The following SBNO2 variants were observed in gnomAD, a reference collection of about 807,000 sequenced individuals.
SBNO2 encodes the protein strawberry notch homolog 2, also known as protein strawberry notch homolog 2.
In SBNO2, 89 loss-of-function variants were observed where a neutral mutation model predicts 146.3. The observed-to-expected ratio is 0.61, with a 90% CI of 0.51 to 0.73. The LOEUF (loss-of-function observed/expected upper bound fraction) is 0.73. Ranked by LOEUF, SBNO2 falls within the 30% of genes least tolerant of loss-of-function variation. The pLI is 0.00. For missense variants in SBNO2, 2,092 were observed against 2,003.7 expected, an observed-to-expected ratio of 1.04 and a Z score of -0.84; for synonymous variants, 1,147 against 892.6, an observed-to-expected ratio of 1.29 and a Z score of -5.08.
rs1599865555 is a variant in SBNO2 at position 1,147,429 on chromosome 19, A to T, written c.168-9T>A. ...CGGAGCTCATGAACGGGCTGGAGGG[A>T]GATGGGGGGGGGGGAGGTGAGATGG... On this transcript the variant is annotated splice_polypyrimidine_tract_variant and intron_variant, in intron 3 of 31. Transcript: ENST00000361757. 5.0e-6 allele frequency: 3 copies of T among 596,804 alleles called. No homozygotes were observed. The highest frequency in any genetic ancestry group is 4.5e-5 in the East Asian group (1 of 22,148). The allele number at this position is 596,804 out of a possible 1,614,324, so 37.0% of individuals were successfully genotyped here. A position where few individuals can be genotyped will look rare whatever the true frequency, so the allele number is the denominator to read the frequency against.
chr19:1,108,515 G>A lies in SBNO2; in HGVS notation c.3806C>T (p.Pro1269Leu), dbSNP rs1209322099. 5.7e-6 allele frequency: 7 copies of A among 1,218,656 alleles called. No individual in the cohort carries two copies. The highest frequency in any genetic ancestry group is 2.7e-5 in the South Asian group (1 of 37,680). 75.5% of individuals were successfully genotyped at this position (1,218,656 alleles called of 1,614,324 possible). Residue 1269 changes from proline to leucine, a missense_variant, in exon 32 of 32, where the codon CCG becomes CTG. Physicochemically the swap from Pro to Leu is moderately conservative, Grantham distance 98 (BLOSUM62 -3). Transcript: ENST00000361757. ...LTYSPPAEAF[P>L]PPPHFSFPAP... ...CGGGAAAGAGAAGTGCGGGGGCGGC[G>A]GGAAGGCCTCGGCCGGGGGGCTGTA... is the stretch of plus-strand genomic sequence containing the variant.
intron 2 of SBNO2, among the ~76,000 whole-genome samples, chr19:1,153,076 C>T (rs1191285127): frequency 6.6e-6 from 1 of 151,458 alleles, no homozygotes; most frequent in African/African-American, 2.4e-5. Context: ...AATCACTAGC[C>T]CAGGAGGCAG....
intron 24 of SBNO2, 140 bp downstream of exon 24, chr19:1,111,366 C>T: frequency 2.7e-6 from 2 of 740,146 alleles, no homozygotes; most frequent in South Asian, 1.8e-5. Flanking sequence ...CCTTTGCCTT[C>T]ACAGCCCTCT....
rs552900367 is a variant in SBNO2, at chr19:1,107,669, G to C, written c.*551C>G. 1.3e-5 allele frequency: 2 copies of C among 152,594 alleles called. No individual in the cohort carries two copies. The highest frequency in any genetic ancestry group is 2.1e-4 in the South Asian group (1 of 4,858). The allele number at this position is 152,594 out of a possible 1,614,324, so 9.5% of individuals were successfully genotyped here. The stretch of plus-strand genomic sequence containing the variant: ...GCAAAAGGCACATATATTTAAAAAA[G>C]TCCTTTACATATGTACATCAGAACT... On this transcript the variant is annotated 3_prime_UTR_variant, in exon 32 of 32. Coordinates refer to ENST00000361757, the MANE Select transcript of SBNO2 (RefSeq NM_014963.3).
intron 4 of SBNO2, chr19:1,131,967 G>A (rs1434098269): frequency 6.7e-6 from 4 of 595,798 alleles, no homozygotes; most frequent in East Asian, 3.5e-5. Context: ...AGATCCTGGC[G>A]GCCTCGGACT....
rs369076605 is a variant in SBNO2, at chr19:1,113,567, C to T, written c.2215G>A (p.Asp739Asn). Residue 739 changes from aspartate (D) to asparagine (N), a missense_variant, in exon 19 of 32, where the codon GAC becomes AAC. Asp to Asn is a conservative substitution (Grantham distance 23). Transcript: ENST00000361757. ...ACCCGCTGGGGGCCGCCCAGCTGGTCGATGAGCTCGTCCAGGGTGTTGACT... is the reference window on the plus strand; with the variant it reads ...ACCCGCTGGGGGCCGCCCAGCTGGTTGATGAGCTCGTCCAGGGTGTTGACT... ...LPVNTLDELI[D>N]QLGGPQRVAE... is the part of the protein sequence containing the mutation. The T allele has an allele frequency of 3.7e-6, 6 of 1,601,730 alleles. No homozygotes were observed. The Admixed American group carries it at 5.1e-5, about 14-fold the overall frequency.
chr19:1,138,842 C>T (rs1249072807), intron 4 of SBNO2, among the ~76,000 whole-genome samples: 2 of 151,492 alleles, frequency 1.3e-5, no homozygotes, highest in Non-Finnish European at 2.9e-5. Context: ...TCCACGCCTC[C>T]ATCACGGACA....
intron 5 of SBNO2, 32 bp downstream of exon 5, chr19:1,127,572 C>T (rs373161801): frequency 7.4e-5 from 118 of 1,603,340 alleles, no homozygotes; most frequent in Non-Finnish European, 9.3e-5. Context: ...GCTGGTGGGT[C>T]GGGGCTGGCT....
chr19:1,152,839 G>C (rs1489812831), intron 2 of SBNO2, among the ~76,000 whole-genome samples: 1 of 152,160 alleles, frequency 6.6e-6, no homozygotes, highest in Non-Finnish European at 1.5e-5. Flanking sequence ...GGAGAGGGCA[G>C]CCCCTCTGTC....
At position 1,111,544 on chromosome 19, in the gene SBNO2, G is replaced by T; in HGVS notation, c.2771C>A (p.Pro924His). Residue 924 changes from proline to histidine, a missense_variant, in exon 24 of 32, where the codon CCC (proline) becomes CAC (histidine). Pro to His is a moderately conservative substitution (Grantham distance 77). Transcript: ENST00000361757. ...LSQTENKVPV[P>H]QGYPGGVPTF... ...GGGGACCCCTCCAGGGTATCCCTGG[G>T]GCACAGGCACTTTGTTCTCAGTCTG... is the stretch of plus-strand genomic sequence containing the variant. The T allele has an allele frequency of 6.3e-7, 1 of 1,594,964 alleles. No homozygotes were observed.
intron 4 of SBNO2, among the ~76,000 whole-genome samples, chr19:1,145,239 G>T (rs1175406896): frequency 6.6e-6 from 1 of 151,604 alleles, no homozygotes; most frequent in African/African-American, 2.4e-5. Context: ...GGCTGAGGCG[G>T]GCGGATCACC....
intron 1 of SBNO2, among the ~76,000 whole-genome samples, chr19:1,168,106 A>G (rs1001977182): frequency 6.6e-6 from 1 of 152,024 alleles, no homozygotes; most frequent in African/African-American, 2.4e-5. Context: ...CTGGTTTTTC[A>G]AGAGAAGCCA....
intron 8 of SBNO2, 38 bp from the exon 9 acceptor site, chr19:1,122,829 T>C: frequency 6.5e-7 from 1 of 1,537,104 alleles, no homozygotes; most frequent in East Asian, 2.4e-5. Flanking sequence ...CTGGGGGTGC[T>C]GGCCCGGCCC....
At position 1,122,273 on chromosome 19, in the gene SBNO2, C is replaced by G. The variant is rs373097728; in HGVS notation, c.1015G>C (p.Gly339Arg). Residue 339 changes from glycine to arginine, a missense_variant, in exon 11 of 32, where the codon GGT becomes CGT. Coordinates refer to ENST00000361757, the MANE Select transcript of SBNO2 (RefSeq NM_014963.3). ...AVHALSKIKY[G>R]DTTTSEGVLF... ...ACGCCCTCTGAGGTAGTGGTGTCAC[C>G]GTACTTGATCTGGGGATGCACAGAA... is the stretch of plus-strand genomic sequence containing the variant. 2.6e-6 allele frequency: 4 copies of G among 1,563,938 alleles called. No homozygotes were observed. The highest frequency in any genetic ancestry group is 3.5e-6 in the Non-Finnish European group (4 of 1,154,248).
intron 4 of SBNO2, chr19:1,132,140 C>A (rs866399462): frequency 6.7e-7 from 1 of 1,503,750 alleles, no homozygotes; most frequent in South Asian, 1.3e-5. Flanking sequence ...GACATGGTCC[C>A]GGCGCTCGGG....
In SBNO2 at chr19:1,140,671, C is replaced by T. The variant is rs1486038126; in HGVS notation, c.279+6638G>A. ...GGTGGGGGTCCCACACAGACCCAGC[C>T]GTCAGCAGGAGAAGGCACACGGAAA... On this transcript the variant is annotated intron_variant, in intron 4 of 31. Coordinates refer to ENST00000361757, the MANE Select transcript of SBNO2 (RefSeq NM_014963.3). The surrounding 1 kb of genome is among the most constrained non-coding windows in gnomAD (Gnocchi z 4.4). Among the ~76,000 whole-genome samples, 1 of 152,186 alleles carries T rather than the reference C, an allele frequency of 6.6e-6. No homozygotes were observed. Among genetic ancestry groups the T allele is most frequent in the Non-Finnish European group, 1.5e-5 (1 of 68,016 alleles).
At position 1,123,805 on chromosome 19, in the gene SBNO2, C is replaced by T; in HGVS notation, c.522+137G>A. ...CAAGGTGCTCCCCCAGGGCCTCCAT[C>T]TCCTCAGCTATAAAATGGGCACTCC... On this transcript the variant is annotated intron_variant, in intron 6 of 31. Coordinates refer to ENST00000361757, the MANE Select transcript of SBNO2 (RefSeq NM_014963.3). 5.5e-6 allele frequency: 6 copies of T among 1,082,778 alleles called. No individual in the cohort carries two copies. In the South Asian group the frequency reaches 6.2e-5, roughly 11 times the overall value. The allele number at this position is 1,082,778 out of a possible 1,614,324, so 67.1% of individuals were successfully genotyped here.
chr19:1,161,914 G>T (rs1187484606), intron 1 of SBNO2, among the ~76,000 whole-genome samples: 4 of 101,728 alleles, frequency 3.9e-5, no homozygotes, highest in African/African-American at 7.8e-5. Context: ...CGCGGGGGGG[G>T]GGGGGGGGGG....
At chr19:1,118,624 T>C (rs1254094181) in intron 14 of SBNO2, among the ~76,000 whole-genome samples, 5 of 152,154 alleles carry the variant, frequency 3.3e-5, no homozygotes, top group African/African-American at 7.2e-5. Flanking sequence ...ATCCCAGCAC[T>C]GTGGGAGGCC....
Sources: allele counts gnomAD v4.1 joint callset (sites outside exome capture counted in the v4.1 genomes callset), GRCh38; gene constraint gnomAD v4.1.1; non-coding constraint Gnocchi (gnomAD v3.1); transcripts MANE v1.5; gene names NCBI Gene and HGNC (gene_info 2026-07-23, HGNC 2026-07-21).